Variants in REV3L observed in about 807,000 individuals in gnomAD.
The protein encoded by REV3L is DNA polymerase zeta catalytic subunit.
A neutral mutation model predicts 299.4 loss-of-function variants in REV3L; 69 were observed. The observed-to-expected ratio is 0.23, with a 90% CI of 0.19 to 0.28. The LOEUF is 0.28. Among genes scored for constraint, REV3L ranks in the 10% least tolerant of loss-of-function variants. The pLI, the probability that REV3L is intolerant of heterozygous loss-of-function variation, is 1.00. For synonymous variants in REV3L, 1,238 were observed against 1,271.4 expected, an observed-to-expected ratio of 0.97 and a Z score of 0.56; for missense variants, 3,128 against 3,693.8, an observed-to-expected ratio of 0.85 and a Z score of 3.97.
At chr6:111,430,136 C>T (rs1485934415) in intron 1 of REV3L, 4 of 785,704 alleles carry the variant, frequency 5.1e-6, no homozygotes, top group Admixed American at 1.7e-5. Flanking sequence ...CAGAAAAAGA[C>T]CTCCAGTGTC....
At chr6:111,333,041 A>G (rs1775550453) in intron 23 of REV3L, 82 bp downstream of exon 23, 2 of 1,526,452 alleles carry the variant, frequency 1.3e-6, no homozygotes, top group Non-Finnish European at 1.8e-6. Context: ...TGTCCAGAGC[A>G]AAGAGACACT....
intron 1 of REV3L, among the ~76,000 whole-genome samples, chr6:111,465,862 T>C (rs1176416102): frequency 1.4e-5 from 2 of 142,072 alleles, no homozygotes; most frequent in East Asian, 2.1e-4. Context: ...ATCGCAGAAA[T>C]AGTCAAACTG....
At chr6:111,402,880 A>C (rs1426858807) in intron 4 of REV3L, among the ~76,000 whole-genome samples, 2 of 152,224 alleles carry the variant, frequency 1.3e-5, no homozygotes, top group African/African-American at 4.8e-5. Flanking sequence ...AAGATGCTAA[A>C]ACACTTGACA....
At chr6:111,468,965 A>C (rs767215867) in intron 1 of REV3L, among the ~76,000 whole-genome samples, 6 of 152,092 alleles carry the variant, frequency 3.9e-5, no homozygotes, top group Admixed American at 1.3e-4. Flanking sequence ...GTTTGAAACC[A>C]GCCTGGCCAA....
chr6:111,411,677 C>T (rs1263447385), intron 2 of REV3L, 123 bp from the exon 3 acceptor site: 1 of 652,158 alleles, frequency 1.5e-6, no homozygotes, highest in Non-Finnish European at 2.6e-6. Context: ...TATCCACCCC[C>T]CAAAAAACAA....
At position 111,379,984 on chromosome 6, in the gene REV3L, CT is replaced by C; in HGVS notation, c.1451del (p.Lys484ArgfsTer33). 3 of 1,598,522 alleles carry C rather than the reference CT, an allele frequency of 1.9e-6. No individual in the cohort carries two copies. Among genetic ancestry groups the C allele is most frequent in the Non-Finnish European group, 2.6e-6 (3 of 1,168,614 alleles). ...DSNIEEHCAK[K>X]RSLCRNTHRS... ...AACTGCAATAACTAAAAAATTACCT[CT>C]TTTTGGCACAATGTTCTTCAATATT... On this transcript the variant is annotated frameshift_variant, in exon 11 of 32. Coordinates refer to ENST00000368802, the MANE Select transcript of REV3L (RefSeq NM_001372078.1). LOFTEE classifies it high-confidence loss of function.
chr6:111,300,830 A>G (rs560070499), intron 31 of REV3L, among the ~76,000 whole-genome samples: 128 of 152,306 alleles, frequency 8.4e-4, no homozygotes, highest in African/African-American at 3.0e-3. Context: ...TGATTGCGTT[A>G]TCTGCACAAA....
At chr6:111,340,237 G>A (rs1486868044) in intron 21 of REV3L, among the ~76,000 whole-genome samples, 1 of 152,110 alleles carries the variant, frequency 6.6e-6, no homozygotes. Flanking sequence ...CTGCTCCCAG[G>A]ATATACCTCC....
intron 1 of REV3L, among the ~76,000 whole-genome samples, chr6:111,475,576 G>C (rs1792845615): frequency 6.6e-6 from 1 of 152,064 alleles, no homozygotes; most frequent in South Asian, 2.1e-4. Flanking sequence ...GTTGTAGCTT[G>C]AATTTACATC....
At chr6:111,427,514 G>A (rs1205516396) in intron 1 of REV3L, among the ~76,000 whole-genome samples, 1 of 152,150 alleles carries the variant, frequency 6.6e-6, no homozygotes, top group Admixed American at 6.5e-5. Flanking sequence ...ACGATCATGA[G>A]CAATATCCCG....
In REV3L at chr6:111,375,627, A is replaced by C. The variant is rs1780225514; in HGVS notation, c.2728T>G (p.Phe910Val). ...GTGTATTTATTTCCATATAGTCCAA[A>C]GGACTGCTCAGTTTCTAACGTTCCA... is the stretch of plus-strand genomic sequence containing the variant. The part of the protein sequence containing the change: ...GDGTLETEQS[F>V]GLYGNKYTLR... The change falls in exon 13 of 32, where the codon TTT (phenylalanine) becomes GTT (valine). Residue 910 changes from phenylalanine (F) to valine (V), a missense_variant. By Grantham distance (50) the Phe-to-Val change is conservative. Transcript: ENST00000368802. The C allele has an allele frequency of 1.2e-6, 2 of 1,613,820 alleles. No individual in the cohort carries two copies. Among genetic ancestry groups the C allele is most frequent in the Non-Finnish European group, 1.7e-6 (2 of 1,179,846 alleles).
At chr6:111,465,763 A>AAAAC (rs1554250482) in intron 1 of REV3L, among the ~76,000 whole-genome samples, 2 of 151,018 alleles carry the variant, frequency 1.3e-5, no homozygotes, top group East Asian at 3.9e-4. Context: ...AAAAAAAAAA[A>AAAAC]AAACTTTGTT....
intron 1 of REV3L, among the ~76,000 whole-genome samples, chr6:111,422,595 C>CATATATATATATAT (rs1785526413): frequency 5.4e-5 from 1 of 18,568 alleles, no homozygotes; most frequent in African/African-American, 1.4e-4. Context: ...TATATATATA[C>CATATATATATATAT]ACATATATAT....
chr6:111,369,779 A>G (rs1412235444), intron 13 of REV3L, among the ~76,000 whole-genome samples: 1 of 152,124 alleles, frequency 6.6e-6, no homozygotes, highest in African/African-American at 2.4e-5. Flanking sequence ...ACATGGAAAA[A>G]TGATGTAATT....
chr6:111,460,958 A>C (rs1234328974), intron 1 of REV3L, among the ~76,000 whole-genome samples: 1 of 152,138 alleles, frequency 6.6e-6, no homozygotes, highest in Non-Finnish European at 1.5e-5. Context: ...GGTGTAAAGA[A>C]ACCTACACTG....
chr6:111,387,552 T>C (rs920470726), intron 9 of REV3L, among the ~76,000 whole-genome samples: 1 of 152,088 alleles, frequency 6.6e-6, no homozygotes, highest in African/African-American at 2.4e-5. Flanking sequence ...TAAGAAAATA[T>C]AAAATTATAT....
chr6:111,331,715 A>G lies in REV3L; in HGVS notation c.7995T>C (p.His2665=), dbSNP rs1314021809. 6.2e-7 allele frequency: 1 copy of G among 1,613,368 alleles called. No homozygotes were observed. The highest frequency in any genetic ancestry group is 2.2e-5 in the East Asian group (1 of 44,754). Residue 2665 remains histidine (H), a synonymous_variant, in exon 24 of 32, where the codon CAT becomes CAC. Transcript: ENST00000368802. ...CTCCATTGGGGGACACTGTGATATC[A>G]TGCCTAACTTGGTAAAGTAAATCTG... ...VPPDLLYQVR[H]DITVSPNGVA... is the part of the protein sequence containing the mutation.
chr6:111,373,102 T>G lies in REV3L; in HGVS notation c.5253A>C (p.Leu1751=). The G allele has an allele frequency of 6.2e-7, 1 of 1,614,106 alleles. No individual in the cohort carries two copies. Among genetic ancestry groups the G allele is most frequent in the Non-Finnish European group, 8.5e-7 (1 of 1,179,990 alleles). ...HNQWKNSFHP[L]TTRSNSIMDS... is the part of the protein sequence containing the mutation. ...CCATTATTGAGTTAGACCGAGTTGTTAGAGGATGAAAGCTATTTTTCCACT... is the reference window on the plus strand; with the variant it reads ...CCATTATTGAGTTAGACCGAGTTGTGAGAGGATGAAAGCTATTTTTCCACT... Residue 1751 remains leucine, a synonymous_variant, in exon 13 of 32, where the codon CTA becomes CTC. Transcript: ENST00000368802.
chr6:111,381,971 T>A (rs1454486419), intron 9 of REV3L, among the ~76,000 whole-genome samples: 2 of 152,360 alleles, frequency 1.3e-5, no homozygotes, highest in East Asian at 3.9e-4. Flanking sequence ...CATGCCTGTT[T>A]GTGAACTGTA....
Sources: gnomAD v4.1 joint callset for allele counts (sites outside exome capture counted in the v4.1 genomes callset) on GRCh38, gnomAD v4.1.1 for gene constraint, MANE v1.5 for transcripts, NCBI Gene and HGNC (gene_info 2026-07-23, HGNC 2026-07-21) for gene names.